Variants in SCUBE3 observed in about 807,000 individuals in gnomAD.
SCUBE3 encodes the protein signal peptide, CUB and EGF-like domain-containing protein 3.
SCUBE3 carries 33 observed loss-of-function variants against 116.8 expected under a neutral mutation model. That is an observed-to-expected ratio of 0.28 (90% confidence interval 0.21 to 0.38). SCUBE3 has a LOEUF of 0.38. Ranked by LOEUF, SCUBE3 falls within the 10% of genes least tolerant of loss-of-function variation. The probability of loss-of-function intolerance (pLI) is 1.00; values close to 1 mark genes in which losing one functional copy is unlikely to be tolerated. For missense variants in SCUBE3, 1,007 were observed against 1,324.8 expected (o/e 0.76, Z 3.72); for synonymous variants, 418 against 496.9 (o/e 0.84, Z 2.11).
rs1330721912 is a variant in SCUBE3 at position 35,239,923 on chromosome 6, G to C, written c.952+49G>C. On this transcript the variant is annotated intron_variant, in intron 8 of 21. Coordinates refer to ENST00000274938, the MANE Select transcript of SCUBE3 (RefSeq NM_152753.4). This position sits in a 1 kb window ranked among gnomAD's most constrained non-coding sequence, Gnocchi z 4.1. ...AAAGCCTTAGGAGAGGTTCTTGTGGGAGAGCTTCAAGGAGGCCAGAGGGCT... is the reference window on the plus strand; with the variant it reads ...AAAGCCTTAGGAGAGGTTCTTGTGGCAGAGCTTCAAGGAGGCCAGAGGGCT... 6.6e-7 allele frequency: 1 copy of C among 1,525,182 alleles called. No homozygotes were observed. The allele number at this position is 1,525,182 out of a possible 1,614,324, so 94.5% of individuals were successfully genotyped here.
At chr6:35,218,156 T>C in intron 1 of SCUBE3, 1 of 985,200 alleles carries the variant, frequency 1.0e-6, no homozygotes, top group Non-Finnish European at 1.2e-6. Flanking sequence ...CGGTTTGAGA[T>C]GTGAGCAGCT....
At position 35,231,996 on chromosome 6, in the gene SCUBE3, C is replaced by A. The variant is rs966496243; in HGVS notation, c.469+137C>A. On this transcript the variant is annotated intron_variant, in intron 4 of 21. Transcript: ENST00000274938. This position sits in a 1 kb window ranked among gnomAD's most constrained non-coding sequence, Gnocchi z 4.2. ...TTCTTCTCTTGTCCTTCAACTCAAT[C>A]ACACCCTAAAGGATCTAGGAACAGA... 6 of 771,560 alleles carry A rather than the reference C, an allele frequency of 7.8e-6. No homozygotes were observed. In the African/African-American group the frequency reaches 8.7e-5, roughly 11 times the overall value. 47.8% of individuals were successfully genotyped at this position (771,560 alleles called of 1,614,324 possible). A position where few individuals can be genotyped will look rare whatever the true frequency, so the allele number is the denominator to read the frequency against.
In SCUBE3 at chr6:35,239,799, C is replaced by T. The variant is rs754858014; in HGVS notation, c.877C>T (p.Arg293Cys). ...CAACGGGGGCTGTGACCATATTTGCCGCAACACAGTGGGCAGCTTCGAATG... is the reference window on the plus strand; with the variant it reads ...CAACGGGGGCTGTGACCATATTTGCTGCAACACAGTGGGCAGCTTCGAATG... ...LNNGGCDHIC[R>C]NTVGSFECSC... The change falls in exon 8 of 22, where the codon CGC becomes TGC. Residue 293 changes from arginine (R) to cysteine (C), a missense_variant. Physicochemically the swap from Arg to Cys is radical, Grantham distance 180. Around this residue, in one of 5 missense-constraint regions of SCUBE3, gnomAD observed 214 missense variants for 316.7 expected, o/e 0.68. Transcript: ENST00000274938. This position sits in a 1 kb window ranked among gnomAD's most constrained non-coding sequence, Gnocchi z 4.1. 2.7e-5 allele frequency: 43 copies of T among 1,611,100 alleles called. No homozygotes were observed. The highest frequency in any genetic ancestry group is 1.7e-4 in the Middle Eastern group (1 of 6,050).
intron 1 of SCUBE3, chr6:35,221,487 A>C (rs1021743365): frequency 1.3e-5 from 2 of 152,196 alleles, no homozygotes; most frequent in African/African-American, 4.8e-5. Context: ...ACAGATAGAG[A>C]CATTATCCAC....
chr6:35,227,182 A>G (rs1333235259), intron 1 of SCUBE3, among the ~76,000 whole-genome samples: 2 of 152,052 alleles, frequency 1.3e-5, no homozygotes, highest in South Asian at 2.1e-4. Context: ...CTTCCCAGAG[A>G]CCACTGTTCC....
intron 1 of SCUBE3, chr6:35,223,742 G>A (rs9469964): frequency 0.68 from 102,767 of 152,054 alleles, 37,846 homozygotes; most frequent in Non-Finnish European, 0.82. Context: ...TGTGCTGTGA[G>A]CGTTGAAGGG....
chr6:35,218,294 A>G (rs1020672912), intron 1 of SCUBE3: 9 of 238,918 alleles, frequency 3.8e-5, no homozygotes, highest in Admixed American at 6.5e-5. Flanking sequence ...GGTGAGAGGA[A>G]AAAGGAAGTG....
chr6:35,220,805 C>T (rs1783093776), intron 1 of SCUBE3: 1 of 152,128 alleles, frequency 6.6e-6, no homozygotes, highest in Non-Finnish European at 1.5e-5. Flanking sequence ...CTGTCTCCGC[C>T]TTGGAATCAA....
At chr6:35,246,568 TGAG>T (rs1447832909) in intron 21 of SCUBE3, among the ~76,000 whole-genome samples, 1 of 152,128 alleles carries the variant, frequency 6.6e-6, no homozygotes. Flanking sequence ...AAAGGGAAAG[TGAG>T]GAGAAGAAAT....
chr6:35,232,180 C>A lies in SCUBE3; in HGVS notation c.469+321C>A, dbSNP rs1783577923. Among the ~76,000 whole-genome samples, 1 of 152,076 alleles carries A rather than the reference C, an allele frequency of 6.6e-6. No homozygotes were observed. Among genetic ancestry groups the A allele is most frequent in the Non-Finnish European group, 1.5e-5 (1 of 68,010 alleles). On this transcript the variant is annotated intron_variant, in intron 4 of 21. Transcript: ENST00000274938. The surrounding 1 kb of genome is among the most constrained non-coding windows in gnomAD (Gnocchi z 4.2). ...CTAAGCTGCTGCCTATCTGAGAGGG[C>A]CTCACCATATCTTTTTCCTTGGATT...
chr6:35,246,327 G>A (rs372675299), intron 21 of SCUBE3, 42 bp downstream of exon 21: 32 of 1,405,540 alleles, frequency 2.3e-5, no homozygotes, highest in African/African-American at 5.6e-5. Context: ...CATTTAATAA[G>A]CATGTAACAA....
chr6:35,251,188 C>T lies in SCUBE3; in HGVS notation c.*2483C>T, dbSNP rs1222052377. ...TTTTTTTTTGAGATGGAGTCTCGCT[C>T]TGTCACCCAGGCTGGAGTGTAATGG... On this transcript the variant is annotated 3_prime_UTR_variant, in exon 22 of 22. Transcript: ENST00000274938. The T allele has an allele frequency of 7.9e-6, 1 of 127,184 alleles. No individual in the cohort carries two copies. Among genetic ancestry groups the T allele is most frequent in the East Asian group, 2.3e-4 (1 of 4,296 alleles). The allele number at this position is 127,184 out of a possible 1,614,324, so 7.9% of individuals were successfully genotyped here. A position where few individuals can be genotyped will look rare whatever the true frequency, so the allele number is the denominator to read the frequency against.
Position 35,242,743 on chromosome 6 carries a change from G to A in SCUBE3, c.1656G>A (p.Leu552=). 6.2e-7 allele frequency: 1 copy of A among 1,614,066 alleles called. No homozygotes were observed. Among genetic ancestry groups the A allele is most frequent in the South Asian group, 1.1e-5 (1 of 91,082 alleles). Residue 552 remains leucine (L), a synonymous_variant, in exon 14 of 22, where the codon CTG becomes CTA. Transcript: ENST00000274938. ...GCAAAGAGGTCACAAGGCTCACCCTGGAACTGGAGGCAGAGGTCAGAGCCG... is the reference window on the plus strand; with the variant it reads ...GCAAAGAGGTCACAAGGCTCACCCTAGAACTGGAGGCAGAGGTCAGAGCCG... ...PPGKEVTRLT[L]ELEAEVRAEE... is the part of the protein sequence containing the mutation.
In SCUBE3 at chr6:35,248,572, A is replaced by T; in HGVS notation, c.2849A>T (p.Lys950Met). The T allele has an allele frequency of 6.2e-7, 1 of 1,614,128 alleles. No homozygotes were observed. Among genetic ancestry groups the T allele is most frequent in the Non-Finnish European group, 8.5e-7 (1 of 1,179,984 alleles). The change falls in exon 22 of 22, where the codon AAG (lysine) becomes ATG (methionine). Residue 950 changes from lysine (K) to methionine (M), a missense_variant. Physicochemically the swap from Lys to Met is moderately conservative, Grantham distance 95. This residue lies in a region of SCUBE3 where 118 missense variants were observed against 196.6 expected (regional missense o/e 0.60). Transcript: ENST00000274938. ...QEILKDKKLI[K>M]AFFEVLAHPQ... Reference sequence around the variant, plus strand: ...CCTTTGCAGGACAAGAAGCTCATCAAGGCCTTCTTTGAGGTGCTAGCCCAC... The same window carrying T: ...CCTTTGCAGGACAAGAAGCTCATCATGGCCTTCTTTGAGGTGCTAGCCCAC...
chr6:35,232,746 A>G lies in SCUBE3; in HGVS notation c.470-104A>G. ...GTCCCCTCGTGTTGAATTCAACCTC[A>G]GTAGAATTCTCCCAGTTCCCTAGGT... On this transcript the variant is annotated intron_variant, in intron 4 of 21. Transcript: ENST00000274938. This position sits in a 1 kb window ranked among gnomAD's most constrained non-coding sequence, Gnocchi z 4.2. 2 of 1,137,162 alleles carry G rather than the reference A, an allele frequency of 1.8e-6. No homozygotes were observed. Among genetic ancestry groups the G allele is most frequent in the Non-Finnish European group, 2.6e-6 (2 of 769,872 alleles). 70.4% of individuals were successfully genotyped at this position (1,137,162 alleles called of 1,614,324 possible).
rs2150294346 is a variant in SCUBE3 at position 35,228,794 on chromosome 6, T to TG, written c.334+55_334+56insG. The TG allele has an allele frequency of 6.4e-7, 1 of 1,560,734 alleles. No individual in the cohort carries two copies. The highest frequency in any genetic ancestry group is 1.4e-5 in the African/African-American group (1 of 74,030). On this transcript the variant is annotated intron_variant, in intron 3 of 21. Transcript: ENST00000274938. This position sits in a 1 kb window ranked among gnomAD's most constrained non-coding sequence, Gnocchi z 4.9. The stretch of plus-strand genomic sequence containing the variant: ...GGATGTCTTGTGGAGAAAGAGATCT[T>TG]TTCAGCATTTCCTATTTCCCAGGGA...
chr6:35,230,331 A>G (rs1451738514), intron 3 of SCUBE3, among the ~76,000 whole-genome samples: 1 of 152,124 alleles, frequency 6.6e-6, no homozygotes, highest in African/African-American at 2.4e-5. Context: ...ATTTCCCTAT[A>G]AGTGTTTTGG....
At chr6:35,226,892 G>T (rs1783352464) in intron 1 of SCUBE3, among the ~76,000 whole-genome samples, 1 of 152,180 alleles carries the variant, frequency 6.6e-6, no homozygotes, top group Non-Finnish European at 1.5e-5. Flanking sequence ...AGGAGACAGA[G>T]GGCTAAACAC....
chr6:35,243,850 C>T lies in SCUBE3; in HGVS notation c.2071+95C>T. On this transcript the variant is annotated intron_variant, in intron 16 of 21. Transcript: ENST00000274938. The surrounding 1 kb of genome is among the most constrained non-coding windows in gnomAD (Gnocchi z 6.6). Reference sequence around the variant, plus strand: ...CCAAAGGGCAGGCCCAGGCTCCAGGCCACTCTCTTAGTCAACATCCTGTTT... The same window carrying T: ...CCAAAGGGCAGGCCCAGGCTCCAGGTCACTCTCTTAGTCAACATCCTGTTT... 1 of 1,533,738 alleles carries T rather than the reference C, an allele frequency of 6.5e-7. No homozygotes were observed.
Sources: gnomAD v4.1 joint callset for allele counts (sites outside exome capture counted in the v4.1 genomes callset) on GRCh38, gnomAD v4.1.1 for gene constraint, gnomAD v4.1.1 regional missense constraint, Gnocchi (gnomAD v3.1) non-coding constraint, MANE v1.5 for transcripts, NCBI Gene and HGNC (gene_info 2026-07-23, HGNC 2026-07-21) for gene names.